The following DSCAM variants were observed in gnomAD, a reference collection of about 807,000 sequenced individuals.
The protein encoded by DSCAM is cell adhesion molecule DSCAM.
DSCAM carries 47 observed loss-of-function variants against 217.7 expected under a neutral mutation model. The ratio of observed to expected loss-of-function variants is 0.22; its 90% CI spans 0.17 to 0.28. The LOEUF (loss-of-function observed/expected upper bound fraction) is 0.28, where lower values mean the gene tolerates loss of function less well. DSCAM is among the 10% of genes least tolerant of loss of function. The pLI is 1.00. For synonymous variants in DSCAM, 1,056 were observed against 1,015.3 expected, an observed-to-expected ratio of 1.04 and a Z score of -0.76; for missense variants, 2,080 against 2,618.3, an observed-to-expected ratio of 0.79 and a Z score of 4.49.
chr21:40,664,687 G>C (rs573313193), intron 3 of DSCAM, among the ~76,000 whole-genome samples: 1 of 152,332 alleles, frequency 6.6e-6, no homozygotes, highest in African/African-American at 2.4e-5. Context: ...TTCCTTGTCA[G>C]ATTGTCAGAC....
chr21:40,482,305 T>G (rs1363664866), intron 3 of DSCAM, among the ~76,000 whole-genome samples: 1 of 152,244 alleles, frequency 6.6e-6, no homozygotes, highest in African/African-American at 2.4e-5. Context: ...TTCTAACATG[T>G]AGCTTTATGC....
intron 8 of DSCAM, among the ~76,000 whole-genome samples, chr21:40,324,736 G>C (rs1263229918): frequency 6.6e-6 from 1 of 152,118 alleles, no homozygotes; most frequent in Non-Finnish European, 1.5e-5. Context: ...TCATACAGAA[G>C]ACTGTAATAA....
intron 9 of DSCAM, among the ~76,000 whole-genome samples, chr21:40,303,880 T>C (rs1018003041): frequency 6.6e-6 from 1 of 152,130 alleles, no homozygotes; most frequent in Non-Finnish European, 1.5e-5. Flanking sequence ...TCAGAAGATA[T>C]AAAAAAGTGT....
chr21:40,675,054 C>T (rs887622253), intron 3 of DSCAM, among the ~76,000 whole-genome samples: 1 of 152,058 alleles, frequency 6.6e-6, no homozygotes, highest in East Asian at 1.9e-4. Flanking sequence ...CACGTACACA[C>T]GATGCATGTT....
intron 1 of DSCAM, among the ~76,000 whole-genome samples, chr21:40,731,445 G>A (rs1469578762): frequency 6.6e-6 from 1 of 152,124 alleles, no homozygotes; most frequent in Admixed American, 6.5e-5. Context: ...ATACTAGTTT[G>A]CTAGGGCTTC....
intron 3 of DSCAM, chr21:40,621,293 T>C (rs2089513212): frequency 6.6e-6 from 1 of 152,188 alleles, no homozygotes; most frequent in African/African-American, 2.4e-5. Flanking sequence ...GATGAGCTCA[T>C]AAAGAGTGAT....
chr21:40,726,945 C>G (rs1205617625), intron 1 of DSCAM, among the ~76,000 whole-genome samples: 2 of 152,106 alleles, frequency 1.3e-5, no homozygotes, highest in African/African-American at 4.8e-5. Context: ...GCATACCCAG[C>G]CCCCTCTTCT....
chr21:40,690,132 T>C (rs2090523580), intron 3 of DSCAM, among the ~76,000 whole-genome samples: 1 of 152,198 alleles, frequency 6.6e-6, no homozygotes, highest in Non-Finnish European at 1.5e-5. Flanking sequence ...GCATGGTTTA[T>C]TTATTAAGAT....
At chr21:40,681,121 C>G (rs2090395803) in intron 3 of DSCAM, among the ~76,000 whole-genome samples, 1 of 152,234 alleles carries the variant, frequency 6.6e-6, no homozygotes, top group Non-Finnish European at 1.5e-5. Context: ...ACTTGGGAAA[C>G]TGATGAGTCG....
At chr21:40,246,212 G>A (rs986934055) in intron 11 of DSCAM, among the ~76,000 whole-genome samples, 3 of 151,352 alleles carry the variant, frequency 2.0e-5, no homozygotes, top group East Asian at 1.9e-4. Flanking sequence ...CTTCCTATAC[G>A]TCCAGAAAGA....
intron 2 of DSCAM, among the ~76,000 whole-genome samples, chr21:40,698,882 A>G (rs569512471): frequency 0.038 from 5,796 of 150,558 alleles, 167 homozygotes; most frequent in East Asian, 0.11. Context: ...AAAAAAAAAA[A>G]AAAAAAAAAA....
chr21:40,795,690 A>C (rs1389772175), intron 1 of DSCAM, among the ~76,000 whole-genome samples: 4 of 152,234 alleles, frequency 2.6e-5, no homozygotes, highest in African/African-American at 9.6e-5. Flanking sequence ...GAGAATAATC[A>C]GGGGAAATCT....
chr21:40,270,578 G>A (rs2073602091), intron 11 of DSCAM, among the ~76,000 whole-genome samples: 1 of 152,146 alleles, frequency 6.6e-6, no homozygotes, highest in Admixed American at 6.5e-5. Flanking sequence ...CAGAAATGAT[G>A]ATTGATATGG....
chr21:40,375,203 C>T (rs1320403312), intron 3 of DSCAM, among the ~76,000 whole-genome samples: 1 of 152,198 alleles, frequency 6.6e-6, no homozygotes, highest in Non-Finnish European at 1.5e-5. Flanking sequence ...TCCCTCAACA[C>T]TGTACCACAC....
At chr21:40,737,092 T>C (rs1223127366) in intron 1 of DSCAM, among the ~76,000 whole-genome samples, 1 of 152,214 alleles carries the variant, frequency 6.6e-6, no homozygotes, top group Non-Finnish European at 1.5e-5. Context: ...TCTAGAATTA[T>C]GGGAGTTAGG....
At chr21:40,369,410 G>A in intron 3 of DSCAM, 165 bp from the exon 4 acceptor site, 3 of 575,996 alleles carry the variant, frequency 5.2e-6, no homozygotes, top group Non-Finnish European at 5.7e-6. Context: ...GTGTGTGTGT[G>A]TGTGTGTGTG....
intron 3 of DSCAM, among the ~76,000 whole-genome samples, chr21:40,674,571 G>A (rs2090313903): frequency 6.6e-6 from 1 of 151,168 alleles, no homozygotes; most frequent in African/African-American, 2.4e-5. Context: ...CCCTGGCAAT[G>A]GATTGTTTTG....
chr21:40,565,541 A>G (rs1054838641), intron 3 of DSCAM, among the ~76,000 whole-genome samples: 20 of 152,200 alleles, frequency 1.3e-4, no homozygotes, highest in Non-Finnish European at 2.8e-4. Context: ...TCACACTTAC[A>G]TTGGAATTAA....
intron 4 of DSCAM, among the ~76,000 whole-genome samples, chr21:40,354,785 C>T (rs1298579379): frequency 7.0e-6 from 1 of 143,694 alleles, no homozygotes; most frequent in Non-Finnish European, 1.5e-5. Flanking sequence ...GGAGGCAGAG[C>T]TTGCAGTGAG....
Sources: gnomAD v4.1 joint callset for allele counts (sites outside exome capture counted in the v4.1 genomes callset) on GRCh38, gnomAD v4.1.1 for gene constraint, MANE v1.5 for transcripts, NCBI Gene and HGNC (gene_info 2026-07-23, HGNC 2026-07-21) for gene names.